Variants in DSCAM observed in about 807,000 individuals in gnomAD.
DSCAM encodes DS cell adhesion molecule, also known as cell adhesion molecule DSCAM.
Under a neutral mutation model 217.7 loss-of-function variants are expected in DSCAM, and 47 were observed. The observed-to-expected ratio is 0.22, with a 90% confidence interval of 0.17 to 0.28. DSCAM has a LOEUF of 0.28. Ranked by LOEUF, DSCAM falls within the 10% of genes least tolerant of loss-of-function variation. DSCAM has a pLI of 1.00. For missense variants in DSCAM, 2,080 were observed against 2,618.3 expected (o/e 0.79, Z 4.49); for synonymous variants, 1,056 against 1,015.3 (o/e 1.04, Z -0.76).
At chr21:40,444,750 A>G (rs2075660454) in intron 3 of DSCAM, among the ~76,000 whole-genome samples, 3 of 152,210 alleles carry the variant, frequency 2.0e-5, no homozygotes, top group Admixed American at 2.0e-4. Context: ...AGAAGGGAAT[A>G]GGATCAAGGT....
At chr21:40,737,022 A>C (rs1412162610) in intron 1 of DSCAM, among the ~76,000 whole-genome samples, 2 of 152,220 alleles carry the variant, frequency 1.3e-5, no homozygotes, top group Non-Finnish European at 2.9e-5. Context: ...AATTACAGTC[A>C]CACAGTGATT....
rs1375834638 is a variant in DSCAM at position 40,260,687 on chromosome 21, G to T, written c.2356+15410C>A. Among the ~76,000 whole-genome samples, 5 of 152,156 alleles carry T rather than the reference G, an allele frequency of 3.3e-5. No homozygotes were observed. In the East Asian group the frequency reaches 9.6e-4, roughly 29 times the overall value. ...TTATTTCCATGTACCCATTCACAAG[G>T]CCCATTGCAGGTCAGGAGCTTGTTT... On this transcript the variant is annotated intron_variant, in intron 11 of 32. Transcript: ENST00000400454.
chr21:40,308,406 TTAG>T lies in DSCAM; in HGVS notation c.2062+3672_2062+3674del, dbSNP rs142069570. On this transcript the variant is annotated intron_variant, in intron 9 of 32. Transcript: ENST00000400454. ...GGCTGAATTCCCCTATTCTGGCTAG[TTAG>T]AACTCCAGCATTCCCAAGCAATGTG... Among the ~76,000 whole-genome samples the T allele has an allele frequency of 1.9e-3, 296 of 152,284 alleles. 1 individual carries two copies. The highest frequency in any genetic ancestry group is 4.4e-3 in the South Asian group (21 of 4,826).
chr21:40,359,411 A>G (rs963320833), intron 4 of DSCAM, among the ~76,000 whole-genome samples: 1 of 152,236 alleles, frequency 6.6e-6, no homozygotes, highest in Non-Finnish European at 1.5e-5. Flanking sequence ...AAAGCAGCCA[A>G]AACAAGTTGG....
At chr21:40,065,577 C>CA (rs1319810152) in intron 27 of DSCAM, among the ~76,000 whole-genome samples, 1 of 152,152 alleles carries the variant, frequency 6.6e-6, no homozygotes, top group Non-Finnish European at 1.5e-5. Context: ...TGCATGAATC[C>CA]AGAGCTGGGG....
At chr21:40,594,763 C>G (rs1243016638) in intron 3 of DSCAM, among the ~76,000 whole-genome samples, 1 of 152,206 alleles carries the variant, frequency 6.6e-6, no homozygotes, top group African/African-American at 2.4e-5. Context: ...GGGCTCTCAA[C>G]TGGGTCCAGC....
chr21:40,094,466 A>G (rs2089651763), intron 20 of DSCAM, among the ~76,000 whole-genome samples: 1 of 152,302 alleles, frequency 6.6e-6, no homozygotes, highest in South Asian at 2.1e-4. Flanking sequence ...AGAGCTACAC[A>G]CAAAGGACAA....
intron 11 of DSCAM, among the ~76,000 whole-genome samples, chr21:40,242,648 T>C (rs1176457164): frequency 6.6e-6 from 1 of 152,220 alleles, no homozygotes; most frequent in Non-Finnish European, 1.5e-5. Flanking sequence ...GGAAGCCTTG[T>C]TATGATGGCA....
chr21:40,059,565 C>T (rs1568918718), intron 28 of DSCAM, among the ~76,000 whole-genome samples: 1 of 152,174 alleles, frequency 6.6e-6, no homozygotes, highest in Non-Finnish European at 1.5e-5. Flanking sequence ...CCTTCCTGGC[C>T]TGGCCCTCAG....
intron 11 of DSCAM, among the ~76,000 whole-genome samples, chr21:40,228,925 T>C (rs2091357352): frequency 6.6e-6 from 1 of 152,180 alleles, no homozygotes; most frequent in African/African-American, 2.4e-5. Flanking sequence ...TCTATGAATA[T>C]TCCTGTATGT....
In DSCAM at chr21:40,215,225, CAAAAAAAAAAAAAAAAAAAAAA is replaced by C. The variant is rs1162761613; in HGVS notation, c.2357-26009_2357-25988del. Among the ~76,000 whole-genome samples, 11 of 5,480 alleles carry C rather than the reference CAAAAAAAAAAAAAAAAAAAAAA, an allele frequency of 2.0e-3. 2 individuals carry two copies. Among genetic ancestry groups the C allele is most frequent in the South Asian group, 0.019 (2 of 108 alleles). 3.6% of individuals were successfully genotyped at this position (5,480 alleles called of 152,430 possible). A position where few individuals can be genotyped will look rare whatever the true frequency, so the allele number is the denominator to read the frequency against. ...TGGGCGACAGAGCGAGACTCCGTCT[CAAAAAAAAAAAAAAAAAAAAAA>C]AAAAAAAAAAAAAAAAAAAGATATG... On this transcript the variant is annotated intron_variant, in intron 11 of 32. Coordinates refer to ENST00000400454, the MANE Select transcript of DSCAM (RefSeq NM_001389.5).
chr21:40,015,788 A>G (rs2088146891), intron 32 of DSCAM, among the ~76,000 whole-genome samples: 1 of 152,058 alleles, frequency 6.6e-6, no homozygotes, highest in African/African-American at 2.4e-5. Flanking sequence ...AATATATCCC[A>G]TCACCTCCTT....
chr21:40,804,545 T>A (rs965839984), intron 1 of DSCAM, among the ~76,000 whole-genome samples: 3 of 152,028 alleles, frequency 2.0e-5, no homozygotes, highest in African/African-American at 7.2e-5. Context: ...CACACCTTCC[T>A]GGAGAAGATG....
chr21:40,631,944 G>C lies in DSCAM; in HGVS notation c.508+60866C>G, dbSNP rs1229485570. On this transcript the variant is annotated intron_variant, in intron 3 of 32. Coordinates refer to ENST00000400454, the MANE Select transcript of DSCAM (RefSeq NM_001389.5). ...AGTTCTTCAGACTGTCTGCATGTTG[G>C]TGCTTTCCTAGTAAAATGTGGGTAC... 2.0e-5 allele frequency among the ~76,000 whole-genome samples: 3 copies of C among 152,244 alleles called. No homozygotes were observed. In the South Asian group the frequency reaches 6.2e-4, roughly 31 times the overall value.
intron 32 of DSCAM, among the ~76,000 whole-genome samples, chr21:40,029,428 T>TG (rs1378613036): frequency 5.0e-5 from 7 of 139,440 alleles, no homozygotes; most frequent in Non-Finnish European, 9.9e-5. Flanking sequence ...TTGAGGTTGT[T>TG]TTTTTTTTTT....
intron 1 of DSCAM, among the ~76,000 whole-genome samples, chr21:40,761,576 A>G (rs145258435): frequency 0.012 from 1,836 of 152,222 alleles, 29 homozygotes; most frequent in South Asian, 0.023. Context: ...TGACACCTTC[A>G]TCTTGGACTT....
intron 3 of DSCAM, among the ~76,000 whole-genome samples, chr21:40,470,750 C>T (rs1389629047): frequency 1.3e-5 from 2 of 152,102 alleles, no homozygotes; most frequent in Non-Finnish European, 2.9e-5. Flanking sequence ...GAGAGGGTTT[C>T]CCCATGGTGC....
In DSCAM at chr21:40,719,497, G is replaced by A. The variant is rs184802607; in HGVS notation, c.44-10726C>T. On this transcript the variant is annotated intron_variant, in intron 1 of 32. Coordinates refer to ENST00000400454, the MANE Select transcript of DSCAM (RefSeq NM_001389.5). ...TGCATATGTCCATCAAAAAATACAC[G>A]CTGGAATATCTACAGCAGCAACACG... is the stretch of plus-strand genomic sequence containing the variant. Among the ~76,000 whole-genome samples the A allele has an allele frequency of 4.7e-4, 71 of 152,264 alleles. 1 individual carries two copies. Among genetic ancestry groups the A allele is most frequent in the Middle Eastern group, 6.8e-3 (2 of 294 alleles).
intron 3 of DSCAM, among the ~76,000 whole-genome samples, chr21:40,533,094 G>A (rs1192748280): frequency 1.3e-5 from 2 of 152,160 alleles, no homozygotes; most frequent in Non-Finnish European, 2.9e-5. Flanking sequence ...CTTGCAGTTA[G>A]TCAGCAAAAG....
Sources: allele counts gnomAD v4.1 joint callset (sites outside exome capture counted in the v4.1 genomes callset), GRCh38; gene constraint gnomAD v4.1.1; transcripts MANE v1.5; gene names NCBI Gene and HGNC (gene_info 2026-07-23, HGNC 2026-07-21).